Variants in MARCHF1 observed in about 807,000 individuals in gnomAD.
The protein encoded by MARCHF1 is E3 ubiquitin-protein ligase MARCHF1.
In MARCHF1, 40 loss-of-function variants were observed where a neutral mutation model predicts 54.2. The observed-to-expected ratio is 0.74, with a 90% confidence interval of 0.57 to 0.96. The LOEUF (loss-of-function observed/expected upper bound fraction) is 0.96, where lower values mean the gene tolerates loss of function less well. Ranked by LOEUF, MARCHF1 falls within the 40% of genes least tolerant of loss-of-function variation. The pLI is 0.00. For missense variants in MARCHF1, 586 were observed against 656.5 expected, an observed-to-expected ratio of 0.89 and a Z score of 1.17; for synonymous variants, 236 against 236.3, an observed-to-expected ratio of 1.00 and a Z score of 0.01.
In MARCHF1 at chr4:164,109,927, A is replaced by AAAT. The variant is rs1292029017; in HGVS notation, c.-248+1660_-248+1661insATT. On this transcript the variant is annotated intron_variant, in intron 2 of 9. Transcript: ENST00000514618. The stretch of plus-strand genomic sequence containing the variant: ...AAAATAAAAGTAAAAAAAAAAAAAA[A>AAAT]AAAAAAAAAGAAAATGTAAATTCAC... 6.7e-5 allele frequency among the ~76,000 whole-genome samples: 10 copies of AAAT among 149,692 alleles called. 1 individual carries two copies. The highest frequency in any genetic ancestry group is 2.7e-4 in the Admixed American group (4 of 14,958).
chr4:164,321,299 A>C (rs1735137382), intron 1 of MARCHF1, among the ~76,000 whole-genome samples: 1 of 152,188 alleles, frequency 6.6e-6, no homozygotes, highest in Non-Finnish European at 1.5e-5. Flanking sequence ...TAAACAAAGT[A>C]ATTTTAAAAA....
chr4:163,911,907 T>C (rs1007023243), intron 3 of MARCHF1, among the ~76,000 whole-genome samples: 2 of 152,130 alleles, frequency 1.3e-5, no homozygotes, highest in Non-Finnish European at 1.5e-5. Context: ...GAAAATAAAG[T>C]TCTGTTGTTT....
intron 2 of MARCHF1, among the ~76,000 whole-genome samples, chr4:164,090,861 A>G (rs1755282815): frequency 6.6e-6 from 1 of 152,160 alleles, no homozygotes; most frequent in Non-Finnish European, 1.5e-5. Context: ...TTTGAACACC[A>G]GGAATAAAAC....
chr4:164,139,202 A>G (rs1320676839), intron 1 of MARCHF1, among the ~76,000 whole-genome samples: 1 of 152,178 alleles, frequency 6.6e-6, no homozygotes, highest in African/African-American at 2.4e-5. Context: ...ATAAACACAC[A>G]TGAACACCAT....
chr4:164,202,705 G>T (rs763350553), intron 1 of MARCHF1, among the ~76,000 whole-genome samples: 18 of 152,150 alleles, frequency 1.2e-4, no homozygotes, highest in Non-Finnish European at 2.2e-4. Context: ...TTTATAATTT[G>T]CTAGTTCTTT....
Position 163,585,793 on chromosome 4 carries a change from T to C in MARCHF1, c.1147A>G (p.Lys383Glu). The change falls in exon 8 of 10, where the codon AAG becomes GAG. Residue 383 changes from lysine to glutamate, a missense_variant. Physicochemically the swap from Lys to Glu is moderately conservative, Grantham distance 56. Around this residue, in one of 3 missense-constraint regions of MARCHF1, gnomAD observed 93 missense variants for 168.2 expected, o/e 0.55. Transcript: ENST00000514618. ...SSDTRCCELC[K>E]YDFIMETKLK... The stretch of plus-strand genomic sequence containing the variant: ...TTGGTCTCCATTATGAAGTCATACT[T>C]GCAGAGCTCACAGCAGCGTGTATCT... 1 of 1,613,212 alleles carries C rather than the reference T, an allele frequency of 6.2e-7. No individual in the cohort carries two copies. The highest frequency in any genetic ancestry group is 8.5e-7 in the Non-Finnish European group (1 of 1,179,526).
rs151146909 is a variant in MARCHF1 at position 164,265,655 on chromosome 4, C to T, written c.-323+118215G>A. Reference sequence around the variant, plus strand: ...ATGGCCTACAAGGCCCTGAGCAATGCGGCACCTGCTGAAGCCTGCTGCCTC... The same window carrying T: ...ATGGCCTACAAGGCCCTGAGCAATGTGGCACCTGCTGAAGCCTGCTGCCTC... On this transcript the variant is annotated intron_variant, in intron 1 of 9. Coordinates refer to ENST00000514618, the MANE Select transcript of MARCHF1 (RefSeq NM_001394959.1). 4.5e-3 allele frequency among the ~76,000 whole-genome samples: 677 copies of T among 152,104 alleles called. 7 individuals are homozygous for T. Among genetic ancestry groups the T allele is most frequent in the African/African-American group, 0.015 (636 of 41,420 alleles).
chr4:163,705,442 T>C (rs1435917613), intron 4 of MARCHF1, among the ~76,000 whole-genome samples: 4 of 151,964 alleles, frequency 2.6e-5, no homozygotes, highest in African/African-American at 9.7e-5. Context: ...TAATAGCATA[T>C]GTCTTTGATA....
chr4:163,956,257 TAA>T (rs1752230843), intron 3 of MARCHF1, among the ~76,000 whole-genome samples: 1 of 152,176 alleles, frequency 6.6e-6, no homozygotes, highest in Non-Finnish European at 1.5e-5. Flanking sequence ...CTAGATTTCC[TAA>T]GTCATTTAGT....
rs1293434741 is a variant in MARCHF1 at position 163,717,681 on chromosome 4, C to T, written c.112-16818G>A. On this transcript the variant is annotated intron_variant, in intron 4 of 9. Coordinates refer to ENST00000514618, the MANE Select transcript of MARCHF1 (RefSeq NM_001394959.1). ...CTGTTGTTTCCTGACTTTTTAACGA[C>T]CGCCATTCTAACTGGTGTGAGATGG... Among the ~76,000 whole-genome samples the T allele has an allele frequency of 5.3e-5, 8 of 152,230 alleles. 1 individual carries two copies. The highest frequency in any genetic ancestry group is 2.1e-4 in the South Asian group (1 of 4,824).
intron 1 of MARCHF1, among the ~76,000 whole-genome samples, chr4:164,201,386 A>AT (rs1731450798): frequency 1.3e-5 from 2 of 151,730 alleles, no homozygotes; most frequent in East Asian, 1.9e-4. Context: ...CACCCAGATA[A>AT]TTTTTTTGTA....
At chr4:163,908,824 T>C (rs1169164164) in intron 3 of MARCHF1, among the ~76,000 whole-genome samples, 1 of 152,110 alleles carries the variant, frequency 6.6e-6, no homozygotes, top group Non-Finnish European at 1.5e-5. Flanking sequence ...TGTCCAGAAA[T>C]GTTTGGATTC....
At position 164,329,722 on chromosome 4, in the gene MARCHF1, G is replaced by C. The variant is rs936030130; in HGVS notation, c.-323+54148C>G. 3.3e-5 allele frequency among the ~76,000 whole-genome samples: 5 copies of C among 152,166 alleles called. No homozygotes were observed. In the South Asian group the frequency reaches 1.0e-3, roughly 32 times the overall value. On this transcript the variant is annotated intron_variant, in intron 1 of 9. Coordinates refer to ENST00000514618, the MANE Select transcript of MARCHF1 (RefSeq NM_001394959.1). ...GCAGGCACGTCACACGGCAAAAGAA[G>C]GAGCAAGACAGGGAGAGAGTGGACA...
intron 1 of MARCHF1, among the ~76,000 whole-genome samples, chr4:164,224,508 C>T (rs1732198378): frequency 6.6e-6 from 1 of 151,842 alleles, no homozygotes; most frequent in Non-Finnish European, 1.5e-5. Flanking sequence ...CTACATCTCG[C>T]TAGCATGAAA....
At chr4:163,695,858 T>G (rs1355095846) in intron 5 of MARCHF1, among the ~76,000 whole-genome samples, 1 of 152,150 alleles carries the variant, frequency 6.6e-6, no homozygotes, top group Non-Finnish European at 1.5e-5. Context: ...TGGCTGACTT[T>G]TCTTCTTGAG....
chr4:164,142,583 G>C (rs1029224989), intron 1 of MARCHF1, among the ~76,000 whole-genome samples: 1 of 152,074 alleles, frequency 6.6e-6, no homozygotes, highest in African/African-American at 2.4e-5. Context: ...ACACAGCCAG[G>C]TACTCCAACA....
chr4:164,123,335 A>C (rs556557282), intron 1 of MARCHF1, among the ~76,000 whole-genome samples: 1 of 152,244 alleles, frequency 6.6e-6, no homozygotes, highest in Admixed American at 6.5e-5. Context: ...AAAATACTCC[A>C]CGTTTAAGGA....
intron 5 of MARCHF1, among the ~76,000 whole-genome samples, chr4:163,675,277 A>T (rs1040203212): frequency 8.5e-5 from 13 of 152,238 alleles, no homozygotes; most frequent in African/African-American, 2.9e-4. Flanking sequence ...AATTCCTCAA[A>T]TTTGAAGGCA....
intron 4 of MARCHF1, among the ~76,000 whole-genome samples, chr4:163,809,252 G>T (rs572578200): frequency 1.2e-4 from 18 of 152,250 alleles, no homozygotes; most frequent in African/African-American, 4.3e-4. Flanking sequence ...ATAGCTATGG[G>T]TTATGCAAAA....
Sources: allele counts gnomAD v4.1 joint callset (sites outside exome capture counted in the v4.1 genomes callset), GRCh38; gene constraint gnomAD v4.1.1; regional missense constraint gnomAD v4.1.1; transcripts MANE v1.5; gene names NCBI Gene and HGNC (gene_info 2026-07-23, HGNC 2026-07-21).